FER1L6: variants seen among roughly 807,000 people sequenced by gnomAD.
FER1L6 encodes fer-1 like family member 6.
Under a neutral mutation model 219.2 loss-of-function variants are expected in FER1L6, and 177 were observed. The observed-to-expected ratio is 0.81, with a 90% CI of 0.71 to 0.91. FER1L6 has a LOEUF of 0.91. FER1L6 is among the 40% of genes least tolerant of loss of function. FER1L6 has a pLI of 0.00. For synonymous variants in FER1L6, 768 were observed against 824.3 expected (o/e 0.93, Z 1.17); for missense variants, 2,153 against 2,259.9 (o/e 0.95, Z 0.96).
In FER1L6 at chr8:124,076,220, A is replaced by T. The variant is rs745950859; in HGVS notation, c.4115A>T (p.Asp1372Val). 9.9e-6 allele frequency: 16 copies of T among 1,614,086 alleles called. 1 individual carries two copies. The South Asian group carries it at 1.8e-4, about 18-fold the overall frequency. ...CAGGCATTTAATCTTAGTCCAGCTG[A>T]TCCAGATGGCAAATCAGATCCCTAC... Reference protein sequence around the residue: ...IVAAFNLSPADPDGKSDPYIV... With the variant: ...IVAAFNLSPAVPDGKSDPYIV... The change falls in exon 32 of 41, where the codon GAT (aspartate) becomes GTT (valine). Residue 1372 changes from aspartate to valine, a missense_variant. Transcript: ENST00000522917.
At chr8:124,094,261 C>T (rs779597969) in intron 34 of FER1L6, among the ~76,000 whole-genome samples, 4 of 152,004 alleles carry the variant, frequency 2.6e-5, no homozygotes, top group Non-Finnish European at 4.4e-5. Flanking sequence ...AAAAATGTAC[C>T]CTCTCCAGTA....
At chr8:123,980,865 G>A in intron 11 of FER1L6, 54 bp downstream of exon 11, 1 of 1,430,932 alleles carries the variant, frequency 7.0e-7, no homozygotes, top group Non-Finnish European at 9.5e-7. Flanking sequence ...ACCAGAGCAG[G>A]GACTGCCCCT....
At chr8:124,088,154 C>A (rs1175496543) in intron 33 of FER1L6, among the ~76,000 whole-genome samples, 1 of 152,158 alleles carries the variant, frequency 6.6e-6, no homozygotes, top group African/African-American at 2.4e-5. Context: ...CCAGATGGGT[C>A]TGGAGATGCC....
At chr8:123,988,144 T>A (rs372663726) in intron 12 of FER1L6, among the ~76,000 whole-genome samples, 1 of 151,336 alleles carries the variant, frequency 6.6e-6, no homozygotes, top group Non-Finnish European at 1.5e-5. Flanking sequence ...TATAGATGAA[T>A]AGATTTATTT....
At chr8:123,873,449 C>A (rs938842905) in intron 1 of FER1L6, among the ~76,000 whole-genome samples, 4 of 152,228 alleles carry the variant, frequency 2.6e-5, no homozygotes, top group African/African-American at 9.7e-5. Context: ...CCTGTAGCCT[C>A]ATCAGTGATA....
chr8:124,053,284 G>C (rs1820134138), intron 22 of FER1L6, among the ~76,000 whole-genome samples: 1 of 152,158 alleles, frequency 6.6e-6, no homozygotes, highest in African/African-American at 2.4e-5. Context: ...TCTTGTCACT[G>C]TATTTGGAGT....
chr8:124,091,355 C>A, intron 33 of FER1L6, 68 bp from the exon 34 acceptor site: 1 of 1,306,424 alleles, frequency 7.7e-7, no homozygotes, highest in Non-Finnish European at 1.1e-6. Flanking sequence ...CTGAAAGAAA[C>A]TGCACAGATC....
chr8:124,091,474 T>A lies in FER1L6; in HGVS notation c.4443T>A (p.Thr1481=). The A allele has an allele frequency of 6.2e-7, 1 of 1,613,988 alleles. No homozygotes were observed. Among genetic ancestry groups the A allele is most frequent in the South Asian group, 1.1e-5 (1 of 91,074 alleles). ...RDTSKPTEIL[T]KLCKDNKLDG... ...CGTCCAAACCCACCGAAATCCTCAC[T>A]AAGCTCTGCAAAGACAACAAGCTGG... The change falls in exon 34 of 41, where the codon ACT becomes ACA. Residue 1481 remains threonine, a synonymous_variant. Transcript: ENST00000522917.
At chr8:123,872,380 C>G (rs28687090) in intron 1 of FER1L6, among the ~76,000 whole-genome samples, 2,281 of 152,206 alleles carry the variant, frequency 0.015, 25 homozygotes, top group Non-Finnish European at 0.024. Flanking sequence ...TACAACACAC[C>G]TGATCAGTAC....
At chr8:123,910,580 C>CT (rs961558638) in intron 1 of FER1L6, among the ~76,000 whole-genome samples, 35 of 151,266 alleles carry the variant, frequency 2.3e-4, no homozygotes, top group African/African-American at 5.8e-4. Flanking sequence ...TGAGTTAGCT[C>CT]TTTTTTTTTG....
At chr8:124,058,239 T>G (rs1037054475) in intron 22 of FER1L6, among the ~76,000 whole-genome samples, 1 of 152,160 alleles carries the variant, frequency 6.6e-6, no homozygotes, top group Non-Finnish European at 1.5e-5. Flanking sequence ...CCTCCTTAAC[T>G]TTTGTACCCT....
chr8:123,877,925 A>G lies in FER1L6; in HGVS notation c.-8+25740A>G, dbSNP rs572031985. On this transcript the variant is annotated intron_variant, in intron 1 of 40. Coordinates refer to ENST00000522917, the MANE Select transcript of FER1L6 (RefSeq NM_001039112.2). ...GAAGTCGATTTATCGTTCTAAATACAAGGAAAAAAGGGGTGAGGGTTGGGG... is the reference window on the plus strand; with the variant it reads ...GAAGTCGATTTATCGTTCTAAATACGAGGAAAAAAGGGGTGAGGGTTGGGG... Among the ~76,000 whole-genome samples the G allele has an allele frequency of 7.9e-5, 12 of 152,242 alleles. 1 individual carries two copies. In the South Asian group the frequency reaches 1.9e-3, roughly 24 times the overall value.
intron 31 of FER1L6, among the ~76,000 whole-genome samples, chr8:124,073,660 TTTCTTGAATAAATG>T (rs1311495352): frequency 6.6e-6 from 1 of 152,200 alleles, no homozygotes; most frequent in Non-Finnish European, 1.5e-5. Flanking sequence ...TGTATAGCAT[TTTCTTGAATAAATG>T]TATTCATTTA....
chr8:123,961,332 T>C (rs1815266686), intron 2 of FER1L6, among the ~76,000 whole-genome samples: 1 of 152,154 alleles, frequency 6.6e-6, no homozygotes, highest in Admixed American at 6.5e-5. Context: ...AATCTGCATT[T>C]TAGCAGCTTC....
At chr8:123,880,250 A>T (rs528329496) in intron 1 of FER1L6, among the ~76,000 whole-genome samples, 1 of 152,244 alleles carries the variant, frequency 6.6e-6, no homozygotes, top group Non-Finnish European at 1.5e-5. Flanking sequence ...CAGCTGATCG[A>T]CCAACAGACA....
At chr8:123,928,623 G>T (rs1375733234) in intron 1 of FER1L6, among the ~76,000 whole-genome samples, 5 of 152,286 alleles carry the variant, frequency 3.3e-5, no homozygotes, top group South Asian at 4.1e-4. Flanking sequence ...CTTCAAGCCT[G>T]GTTCTCTGTG....
Position 124,035,428 on chromosome 8 carries a change from A to G in FER1L6, c.2438A>G (p.His813Arg). Residue 813 changes from histidine (H) to arginine (R), a missense_variant, in exon 19 of 41, where the codon CAC (histidine) becomes CGC (arginine). Coordinates refer to ENST00000522917, the MANE Select transcript of FER1L6 (RefSeq NM_001039112.2). ...TCCTCCAAAGGGGCTGGCACCAATC[A>G]CCCCCCATCTAACCTGCTCTACCAA... ...EMSSKGAGTN[H>R]PPSNLLYQEQ... 1 of 1,611,676 alleles carries G rather than the reference A, an allele frequency of 6.2e-7. No individual in the cohort carries two copies. Among genetic ancestry groups the G allele is most frequent in the Non-Finnish European group, 8.5e-7 (1 of 1,179,410 alleles).
intron 1 of FER1L6, among the ~76,000 whole-genome samples, chr8:123,865,539 C>T (rs1176092638): frequency 2.6e-5 from 4 of 151,636 alleles, no homozygotes; most frequent in South Asian, 2.1e-4. Context: ...GCTTTGTTTA[C>T]CTAAGCAAGC....
chr8:124,015,457 T>G (rs577363796), intron 15 of FER1L6, among the ~76,000 whole-genome samples: 1 of 151,250 alleles, frequency 6.6e-6, no homozygotes, highest in South Asian at 2.1e-4. Flanking sequence ...TGAATTCTGG[T>G]GTTCAGGTTT....
Sources: gnomAD v4.1 joint callset for allele counts (sites outside exome capture counted in the v4.1 genomes callset) on GRCh38, gnomAD v4.1.1 for gene constraint, MANE v1.5 for transcripts, NCBI Gene and HGNC (gene_info 2026-07-23, HGNC 2026-07-21) for gene names.